DPP10: variants seen among roughly 807,000 people sequenced by gnomAD.
The protein encoded by DPP10 is dipeptidyl peptidase like 10, also known as inactive dipeptidyl peptidase 10.
In DPP10, 33 loss-of-function variants were observed where a neutral mutation model predicts 120.9. The ratio of observed to expected loss-of-function variants is 0.27; its 90% CI spans 0.21 to 0.37. The LOEUF is 0.37. DPP10 is among the 10% of genes least tolerant of loss of function. The pLI, the probability that DPP10 is intolerant of heterozygous loss-of-function variation, is 1.00. For synonymous variants in DPP10, 337 were observed against 326.1 expected, an observed-to-expected ratio of 1.03 and a Z score of -0.36; for missense variants, 816 against 942.8, an observed-to-expected ratio of 0.87 and a Z score of 1.76.
intron 1 of DPP10, among the ~76,000 whole-genome samples, chr2:114,757,526 C>G (rs1317450993): frequency 6.6e-6 from 1 of 151,946 alleles, no homozygotes; most frequent in African/African-American, 2.4e-5. Context: ...TACCAGAGAC[C>G]TAAGAGAAAG....
At chr2:115,268,123 C>T (rs1397075439) in intron 1 of DPP10, among the ~76,000 whole-genome samples, 1 of 152,210 alleles carries the variant, frequency 6.6e-6, no homozygotes, top group Non-Finnish European at 1.5e-5. Flanking sequence ...GGATGCCTCA[C>T]TCATTGTTGT....
chr2:114,488,282 G>A (rs1274048368), intron 1 of DPP10, among the ~76,000 whole-genome samples: 1 of 152,088 alleles, frequency 6.6e-6, no homozygotes, highest in Admixed American at 6.5e-5. Flanking sequence ...TAGGCTCCAT[G>A]GCTTATTTGT....
intron 3 of DPP10, among the ~76,000 whole-genome samples, chr2:115,496,869 T>C (rs920940170): frequency 3.3e-5 from 5 of 151,608 alleles, no homozygotes; most frequent in African/African-American, 9.7e-5. Flanking sequence ...GAGGTCAGGG[T>C]TTTTCAAGGA....
At chr2:114,957,961 G>T (rs748714353) in intron 1 of DPP10, among the ~76,000 whole-genome samples, 1 of 152,142 alleles carries the variant, frequency 6.6e-6, no homozygotes, top group Non-Finnish European at 1.5e-5. Context: ...GATTGGGAAA[G>T]GGGAGATGTA....
In DPP10 at chr2:115,503,684, C is replaced by A. The variant is rs148006567; in HGVS notation, c.366+4080C>A. ...ATAGACATCAGTAGTGTAACTAACA[C>A]TGATTAATCAGTGAAGCTGTGCATA... On this transcript the variant is annotated intron_variant, in intron 4 of 25. Transcript: ENST00000410059. Among the ~76,000 whole-genome samples, 4 of 152,248 alleles carry A rather than the reference C, an allele frequency of 2.6e-5. No homozygotes were observed. In the East Asian group the frequency reaches 5.8e-4, roughly 22 times the overall value.
chr2:114,546,383 C>A (rs1012604772), intron 1 of DPP10, among the ~76,000 whole-genome samples: 1 of 152,120 alleles, frequency 6.6e-6, no homozygotes, highest in Non-Finnish European at 1.5e-5. Context: ...ATTGCTAGGA[C>A]AGTACCAAGA....
At chr2:115,612,170 C>T (rs1558924185) in intron 5 of DPP10, among the ~76,000 whole-genome samples, 1 of 152,072 alleles carries the variant, frequency 6.6e-6, no homozygotes, top group African/African-American at 2.4e-5. Context: ...TGCTCATCAG[C>T]TTCTAACTAT....
chr2:115,019,454 C>A (rs779541720), intron 1 of DPP10, among the ~76,000 whole-genome samples: 2 of 151,826 alleles, frequency 1.3e-5, no homozygotes, highest in Non-Finnish European at 2.9e-5. Flanking sequence ...TGAATTAACC[C>A]AATCCAACAA....
intron 5 of DPP10, among the ~76,000 whole-genome samples, chr2:115,550,123 G>T (rs1226867170): frequency 6.6e-6 from 1 of 152,118 alleles, no homozygotes; most frequent in Non-Finnish European, 1.5e-5. Flanking sequence ...ATAAGAAAAT[G>T]AAAGAATAAA....
At chr2:115,272,976 T>G in intron 1 of DPP10, among the ~76,000 whole-genome samples, 1 of 152,332 alleles carries the variant, frequency 6.6e-6, no homozygotes, top group East Asian at 1.9e-4. Flanking sequence ...ATGCTATTAT[T>G]GCTTAGGTTT....
intron 1 of DPP10, among the ~76,000 whole-genome samples, chr2:115,114,748 C>T (rs969706798): frequency 1.3e-5 from 2 of 152,068 alleles, no homozygotes; most frequent in African/African-American, 4.8e-5. Flanking sequence ...CATTTTATGT[C>T]ACACTAGTAA....
At chr2:115,840,409 C>A (rs1010168688) in intron 24 of DPP10, among the ~76,000 whole-genome samples, 2 of 146,196 alleles carry the variant, frequency 1.4e-5, no homozygotes, top group Non-Finnish European at 1.5e-5. Flanking sequence ...CTGCAAGCTC[C>A]CCACTCCCGG....
chr2:115,411,613 G>T (rs2068963435), intron 3 of DPP10, among the ~76,000 whole-genome samples: 1 of 152,154 alleles, frequency 6.6e-6, no homozygotes, highest in Admixed American at 6.5e-5. Flanking sequence ...TTTACATTTG[G>T]TTGAGGTGGC....
chr2:115,469,332 C>A (rs2074536339), intron 3 of DPP10, among the ~76,000 whole-genome samples: 1 of 152,108 alleles, frequency 6.6e-6, no homozygotes, highest in African/African-American at 2.4e-5. Flanking sequence ...AATCTAGTTT[C>A]ACATTGCTGA....
At chr2:114,686,355 C>T (rs1699366138) in intron 1 of DPP10, among the ~76,000 whole-genome samples, 3 of 151,908 alleles carry the variant, frequency 2.0e-5, no homozygotes, top group Non-Finnish European at 4.4e-5. Flanking sequence ...CTTCTTCAAG[C>T]AGCCACAACT....
At chr2:114,858,867 A>T (rs1490727153) in intron 1 of DPP10, among the ~76,000 whole-genome samples, 1 of 152,156 alleles carries the variant, frequency 6.6e-6, no homozygotes, top group African/African-American at 2.4e-5. Context: ...AATTTAAGGA[A>T]ATTGGGCAGC....
intron 5 of DPP10, among the ~76,000 whole-genome samples, chr2:115,663,779 GA>G (rs1355640185): frequency 6.6e-6 from 1 of 152,030 alleles, no homozygotes; most frequent in Admixed American, 6.6e-5. Context: ...GGCGGATCAC[GA>G]GGTCGGGAGG....
chr2:114,612,047 C>T (rs1254613457), intron 1 of DPP10, among the ~76,000 whole-genome samples: 2 of 152,212 alleles, frequency 1.3e-5, no homozygotes, highest in African/African-American at 4.8e-5. Flanking sequence ...TGCAACTACA[C>T]ATATACTCAC....
chr2:115,466,776 A>G (rs1314405220), intron 3 of DPP10, among the ~76,000 whole-genome samples: 1 of 152,208 alleles, frequency 6.6e-6, no homozygotes, highest in East Asian at 1.9e-4. Context: ...TTTTGTTGTC[A>G]GTATGACTGG....
Sources: gnomAD v4.1 joint callset for allele counts (sites outside exome capture counted in the v4.1 genomes callset) on GRCh38, gnomAD v4.1.1 for gene constraint, MANE v1.5 for transcripts, NCBI Gene and HGNC (gene_info 2026-07-23, HGNC 2026-07-21) for gene names.